Variants in DENND11 observed in about 807,000 individuals in gnomAD.
DENND11 encodes the protein DENN domain-containing protein 11.
A neutral mutation model predicts 49.2 loss-of-function variants in DENND11; 34 were observed. That is an observed-to-expected ratio of 0.69 (90% confidence interval 0.53 to 0.92). The LOEUF is 0.92. DENND11 is among the 40% of genes least tolerant of loss of function. The probability of loss-of-function intolerance (pLI) is 0.00; values close to 1 mark genes in which losing one functional copy is unlikely to be tolerated. For synonymous variants in DENND11, 238 were observed against 230.3 expected, an observed-to-expected ratio of 1.03 and a Z score of -0.30; for missense variants, 475 against 581.6, an observed-to-expected ratio of 0.82 and a Z score of 1.88.
rs186939589 is a variant in DENND11 at position 141,696,047 on chromosome 7, C to T, written c.268+5839G>A. Among the ~76,000 whole-genome samples the T allele has an allele frequency of 2.6e-5, 4 of 152,308 alleles. No homozygotes were observed. In the East Asian group the frequency reaches 7.7e-4, roughly 29 times the overall value. ...TCTGTTTAAAGGAACTTGGACTAAC[C>T]GACTACGAGGCTGGCAGCTCAGTTA... On this transcript the variant is annotated intron_variant, in intron 1 of 8. Coordinates refer to ENST00000536163, the MANE Select transcript of DENND11 (RefSeq NM_001080392.2).
chr7:141,669,302 C>T (rs1190973624), intron 4 of DENND11, among the ~76,000 whole-genome samples: 3 of 145,688 alleles, frequency 2.1e-5, no homozygotes, highest in Non-Finnish European at 4.4e-5. Flanking sequence ...GGCTGGAGTG[C>T]AGTGGCGCTA....
intron 4 of DENND11, among the ~76,000 whole-genome samples, chr7:141,668,473 C>A (rs1271899076): frequency 6.6e-6 from 1 of 152,300 alleles, no homozygotes; most frequent in Admixed American, 6.5e-5. Flanking sequence ...GTAATCCCAG[C>A]TACTTGGGAG....
At chr7:141,666,581 C>A (rs900787970) in intron 4 of DENND11, among the ~76,000 whole-genome samples, 156 bp from the exon 5 acceptor site, 1 of 152,162 alleles carries the variant, frequency 6.6e-6, no homozygotes, top group Admixed American at 6.5e-5. Flanking sequence ...ATGTTTTTCA[C>A]TTTAAAAGTC....
Position 141,674,224 on chromosome 7 carries a change from C to A in DENND11, c.528-4G>T, listed in dbSNP as rs1192690844. 4.6e-6 allele frequency: 7 copies of A among 1,535,626 alleles called. No individual in the cohort carries two copies. Among genetic ancestry groups the A allele is most frequent in the Admixed American group, 4.0e-5 (2 of 50,056 alleles). Reference sequence around the variant, plus strand: ...TCCTGGCATCTCCAACTGGTGCCTGCAGAAAAACACACACACACACACACA... The same window carrying A: ...TCCTGGCATCTCCAACTGGTGCCTGAAGAAAAACACACACACACACACACA... On this transcript the variant is annotated splice_region_variant and splice_polypyrimidine_tract_variant and intron_variant, in intron 3 of 8. Coordinates refer to ENST00000536163, the MANE Select transcript of DENND11 (RefSeq NM_001080392.2).
intron 1 of DENND11, among the ~76,000 whole-genome samples, chr7:141,687,898 T>C (rs889270094): frequency 6.6e-6 from 1 of 151,972 alleles, no homozygotes; most frequent in African/African-American, 2.4e-5. Context: ...CCTCCCAAAG[T>C]GCTGGGATTA....
At chr7:141,665,383 C>T (rs1797878178) in intron 5 of DENND11, 65 bp from the exon 6 acceptor site, 2 of 1,594,258 alleles carry the variant, frequency 1.3e-6, no homozygotes, top group African/African-American at 2.7e-5. Context: ...CCCTCGGAGC[C>T]TGCGGCTCAA....
At chr7:141,684,795 T>C (rs2117071180) in intron 3 of DENND11, among the ~76,000 whole-genome samples, 1 of 151,916 alleles carries the variant, frequency 6.6e-6, no homozygotes, top group South Asian at 2.1e-4. Flanking sequence ...GGATAAATTT[T>C]CCCCTCAAAA....
At chr7:141,699,292 C>T (rs1404175446) in intron 1 of DENND11, among the ~76,000 whole-genome samples, 4 of 152,214 alleles carry the variant, frequency 2.6e-5, no homozygotes, top group East Asian at 1.9e-4. Flanking sequence ...GGCCTCACTC[C>T]ACCGGAACCA....
chr7:141,663,525 C>T (rs1473479012), intron 8 of DENND11: 1 of 125,504 alleles, frequency 8.0e-6, no homozygotes, highest in African/African-American at 3.2e-5. Context: ...GTCTCAGATA[C>T]TTTCCACCTA....
At position 141,665,312 on chromosome 7, in the gene DENND11, C is replaced by T; in HGVS notation, c.827G>A (p.Cys276Tyr). The T allele has an allele frequency of 6.2e-7, 1 of 1,613,822 alleles. No individual in the cohort carries two copies. The highest frequency in any genetic ancestry group is 8.5e-7 in the Non-Finnish European group (1 of 1,179,846). Residue 276 changes from cysteine (C) to tyrosine (Y), a missense_variant, in exon 6 of 9, where the codon TGC becomes TAC. By Grantham distance (194) the Cys-to-Tyr change is radical. Transcript: ENST00000536163. ...PVGVVCYRVY[C>Y]CCCLANVSLP... is the part of the protein sequence containing the mutation. ...TGAAACGTTGGCCAAGCAGCAGCAG[C>T]AGTACACTGTGGGGATAGAGGAGGT...
At chr7:141,677,483 TTATA>T (rs943872128) in intron 3 of DENND11, among the ~76,000 whole-genome samples, 2 of 139,356 alleles carry the variant, frequency 1.4e-5, no homozygotes, top group Middle Eastern at 3.3e-3. Context: ...TTATATATAT[TTATA>T]TGTGTGTGTG....
chr7:141,686,069 A>G (rs1285740721), intron 2 of DENND11, among the ~76,000 whole-genome samples: 1 of 152,120 alleles, frequency 6.6e-6, no homozygotes, highest in East Asian at 1.9e-4. Flanking sequence ...TCCTCTTCTC[A>G]CACTTGTATC....
At chr7:141,663,054 A>C (rs1348048183) in intron 8 of DENND11, 1 of 458,714 alleles carries the variant, frequency 2.2e-6, no homozygotes, top group Non-Finnish European at 3.8e-6. Context: ...ATTTGGCATT[A>C]ATTATGGTGT....
intron 1 of DENND11, among the ~76,000 whole-genome samples, chr7:141,697,824 T>C (rs193050485): frequency 1.3e-5 from 2 of 152,326 alleles, no homozygotes; most frequent in African/African-American, 4.8e-5. Context: ...TGATTTTAAA[T>C]GTACTCATGT....
chr7:141,658,656 C>T lies in DENND11; in HGVS notation c.*4000G>A, dbSNP rs1797737047. On this transcript the variant is annotated 3_prime_UTR_variant, in exon 9 of 9. Coordinates refer to ENST00000536163, the MANE Select transcript of DENND11 (RefSeq NM_001080392.2). ...TGAGCATTATCCTATTTTATTCATCCACCTGCCCCTCCTCCTTTACCTCTG... is the reference window on the plus strand; with the variant it reads ...TGAGCATTATCCTATTTTATTCATCTACCTGCCCCTCCTCCTTTACCTCTG... The T allele has an allele frequency of 6.6e-6, 1 of 152,304 alleles. No individual in the cohort carries two copies. Among genetic ancestry groups the T allele is most frequent in the East Asian group, 1.9e-4 (1 of 5,208 alleles). 9.4% of individuals were successfully genotyped at this position (152,304 alleles called of 1,614,324 possible). A position where few individuals can be genotyped will look rare whatever the true frequency, so the allele number is the denominator to read the frequency against.
chr7:141,682,178 G>A (rs1371374010), intron 3 of DENND11, among the ~76,000 whole-genome samples: 5 of 152,128 alleles, frequency 3.3e-5, no homozygotes, highest in Admixed American at 6.5e-5. Context: ...GGACTACTGC[G>A]CACTACAGAG....
chr7:141,696,688 T>C lies in DENND11; in HGVS notation c.268+5198A>G, dbSNP rs114538430. On this transcript the variant is annotated intron_variant, in intron 1 of 8. Transcript: ENST00000536163. ...AATCAGGAAGTCAAAACAAATCCTG[T>C]TTCAGGAATAAAGGCATGAATCAAA... 1.2e-3 allele frequency among the ~76,000 whole-genome samples: 185 copies of C among 152,306 alleles called. 1 individual carries two copies. The highest frequency in any genetic ancestry group is 4.0e-3 in the African/African-American group (165 of 41,566).
intron 4 of DENND11, among the ~76,000 whole-genome samples, chr7:141,668,395 G>T (rs906274430): frequency 6.6e-6 from 1 of 152,134 alleles, no homozygotes; most frequent in Non-Finnish European, 1.5e-5. Flanking sequence ...GACCAGCCTG[G>T]TCAACATGGT....
chr7:141,696,819 C>T (rs1798422406), intron 1 of DENND11, among the ~76,000 whole-genome samples: 1 of 152,216 alleles, frequency 6.6e-6, no homozygotes, highest in Non-Finnish European at 1.5e-5. Flanking sequence ...CAGACCCTAA[C>T]ATCAGAAAAG....
Sources: gnomAD v4.1 joint callset for allele counts (sites outside exome capture counted in the v4.1 genomes callset) on GRCh38, gnomAD v4.1.1 for gene constraint, MANE v1.5 for transcripts, NCBI Gene and HGNC (gene_info 2026-07-23, HGNC 2026-07-21) for gene names.